The following FRS2 variants were observed in gnomAD, a reference collection of about 807,000 sequenced individuals.
FRS2 encodes the protein fibroblast growth factor receptor substrate 2, also known as FGFR signalling adaptor.
FRS2 carries 8 observed loss-of-function variants against 43.9 expected under a neutral mutation model. The ratio of observed to expected loss-of-function variants is 0.18; its 90% CI spans 0.11 to 0.33. FRS2 has a LOEUF of 0.33. FRS2 is among the 10% of genes least tolerant of loss of function. The pLI is 1.00. For synonymous variants in FRS2, 219 were observed against 220.3 expected (o/e 0.99, Z 0.05); for missense variants, 534 against 627.6 (o/e 0.85, Z 1.59).
chr12:69,471,964 C>T (rs929127185), intron 1 of FRS2, among the ~76,000 whole-genome samples: 4 of 152,160 alleles, frequency 2.6e-5, no homozygotes, highest in African/African-American at 9.7e-5. Context: ...TTTTCCTATG[C>T]AAAGGAAAAT....
At chr12:69,500,246 A>C (rs1171409939) in intron 1 of FRS2, among the ~76,000 whole-genome samples, 1 of 152,188 alleles carries the variant, frequency 6.6e-6, no homozygotes, top group Admixed American at 6.5e-5. Context: ...AACGACATGA[A>C]GATACTAAGA....
chr12:69,489,342 G>T (rs1872240950), intron 1 of FRS2, among the ~76,000 whole-genome samples: 1 of 152,076 alleles, frequency 6.6e-6, no homozygotes, highest in African/African-American at 2.4e-5. Flanking sequence ...CACCAACTGT[G>T]TAAGAAAAAT....
chr12:69,491,504 C>CTTTT (rs1181575947), intron 1 of FRS2: 4 of 113,968 alleles, frequency 3.5e-5, no homozygotes, highest in Non-Finnish European at 1.7e-5. Context: ...GCGTTTCTTC[C>CTTTT]ATTTTTTTTT....
At chr12:69,509,594 C>T (rs1215238196) in intron 1 of FRS2, among the ~76,000 whole-genome samples, 1 of 152,134 alleles carries the variant, frequency 6.6e-6, no homozygotes, top group African/African-American at 2.4e-5. Flanking sequence ...CAGTAACTCC[C>T]CATTTCCCCC....
At chr12:69,506,151 T>A (rs1873909846) in intron 1 of FRS2, among the ~76,000 whole-genome samples, 1 of 152,210 alleles carries the variant, frequency 6.6e-6, no homozygotes, top group African/African-American at 2.4e-5. Flanking sequence ...TGCATAAATT[T>A]CTGTTCATGG....
intron 1 of FRS2, among the ~76,000 whole-genome samples, chr12:69,492,221 A>G (rs1382454719): frequency 6.6e-6 from 1 of 152,206 alleles, no homozygotes; most frequent in African/African-American, 2.4e-5. Flanking sequence ...GAATTTGACT[A>G]GAGGCTGGGG....
intron 3 of FRS2, among the ~76,000 whole-genome samples, chr12:69,539,361 A>G (rs932169234): frequency 6.6e-6 from 1 of 152,024 alleles, no homozygotes; most frequent in African/African-American, 2.4e-5. Context: ...AGGTGTGAGC[A>G]CCGTGCCCAG....
chr12:69,543,453 C>T (rs949801181), intron 3 of FRS2, among the ~76,000 whole-genome samples: 2 of 152,116 alleles, frequency 1.3e-5, no homozygotes, highest in African/African-American at 2.4e-5. Flanking sequence ...AAAACAAAAT[C>T]TTTGTCACTA....
chr12:69,556,228 G>A (rs1210944311), intron 3 of FRS2, among the ~76,000 whole-genome samples: 2 of 152,094 alleles, frequency 1.3e-5, no homozygotes, highest in Admixed American at 1.3e-4. Context: ...TATTAGTCTA[G>A]TAACATCATA....
chr12:69,571,859 G>T (rs1036903507), intron 7 of FRS2, among the ~76,000 whole-genome samples: 2 of 151,870 alleles, frequency 1.3e-5, no homozygotes, highest in East Asian at 3.9e-4. Context: ...GCAAGACTCC[G>T]TCTCAAAAAC....
At chr12:69,471,934 A>T (rs919187999) in intron 1 of FRS2, among the ~76,000 whole-genome samples, 18 of 152,184 alleles carry the variant, frequency 1.2e-4, no homozygotes, top group African/African-American at 4.3e-4. Context: ...AAATAGACTG[A>T]AGTGACAAGT....
Position 69,574,115 on chromosome 12 carries a change from A to C in FRS2, c.687A>C (p.Lys229Asn). The C allele has an allele frequency of 6.2e-7, 1 of 1,614,214 alleles. No individual in the cohort carries two copies. The highest frequency in any genetic ancestry group is 2.2e-5 in the East Asian group (1 of 44,890). ...CTAACGCTGAAAGCAGCACACCAAA[A>C]GAAGAACCAAGTAGTATTGAGGACA... ...RVSNAESSTPKEEPSSIEDRD... is the reference protein window; with the variant it reads ...RVSNAESSTPNEEPSSIEDRD... Residue 229 changes from lysine (K) to asparagine (N), a missense_variant, in exon 9 of 9, where the codon AAA (lysine) becomes AAC (asparagine). Physicochemically the swap from Lys to Asn is moderately conservative, Grantham distance 94. Coordinates refer to ENST00000549921, the MANE Select transcript of FRS2 (RefSeq NM_001278356.2).
intron 1 of FRS2, among the ~76,000 whole-genome samples, chr12:69,515,018 G>T (rs1355296099): frequency 5.3e-5 from 8 of 152,158 alleles, no homozygotes; most frequent in Admixed American, 5.2e-4. Context: ...TGTTATACAA[G>T]AATTATCTGT....
At chr12:69,508,024 CAAAAAAAAAAAAAA>C (rs11365179) in intron 1 of FRS2, among the ~76,000 whole-genome samples, 7 of 47,600 alleles carry the variant, frequency 1.5e-4, no homozygotes, top group Middle Eastern at 0.016. Flanking sequence ...AACCCCGTCT[CAAAAAAAAAAAAAA>C]AAAAAAAAAA....
At chr12:69,478,872 A>G (rs1565712435) in intron 1 of FRS2, among the ~76,000 whole-genome samples, 1 of 151,714 alleles carries the variant, frequency 6.6e-6, no homozygotes, top group Non-Finnish European at 1.5e-5. Flanking sequence ...GATCTCTGAC[A>G]TACTCTTTAA....
At chr12:69,538,198 TA>T (rs1192089516) in intron 3 of FRS2, among the ~76,000 whole-genome samples, 1 of 17,768 alleles carries the variant, frequency 5.6e-5, no homozygotes, top group East Asian at 2.1e-3. Context: ...AAACAAATTT[TA>T]TATATATATA....
At chr12:69,552,572 T>G (rs1878983258) in intron 3 of FRS2, among the ~76,000 whole-genome samples, 1 of 152,128 alleles carries the variant, frequency 6.6e-6, no homozygotes, top group African/African-American at 2.4e-5. Context: ...CCTCTGAGTG[T>G]AGTGTCTTAT....
intron 1 of FRS2, among the ~76,000 whole-genome samples, chr12:69,502,474 T>C (rs1421608562): frequency 6.6e-6 from 1 of 152,060 alleles, no homozygotes; most frequent in Non-Finnish European, 1.5e-5. Flanking sequence ...GCTCGAGCGG[T>C]CTTCCCACCT....
intron 1 of FRS2, among the ~76,000 whole-genome samples, chr12:69,503,529 A>G (rs972494932): frequency 3.3e-5 from 5 of 152,158 alleles, no homozygotes; most frequent in African/African-American, 1.2e-4. Flanking sequence ...GGCTGCCAGT[A>G]AGTGATGCAG....
Sources: allele counts gnomAD v4.1 joint callset (sites outside exome capture counted in the v4.1 genomes callset), GRCh38; gene constraint gnomAD v4.1.1; transcripts MANE v1.5; gene names NCBI Gene and HGNC (gene_info 2026-07-23, HGNC 2026-07-21).